Variants in TMEM135 observed in about 807,000 individuals in gnomAD.
TMEM135 encodes the protein transmembrane protein 135, also known as peroxisomal membrane protein 52.
TMEM135 carries 30 observed loss-of-function variants against 60.3 expected under a neutral mutation model. The observed-to-expected ratio is 0.50, with a 90% CI of 0.37 to 0.68. TMEM135 has a LOEUF of 0.68. Ranked by LOEUF, TMEM135 falls within the 30% of genes least tolerant of loss-of-function variation. TMEM135 has a pLI of 0.00. For missense variants in TMEM135, 468 were observed against 548.8 expected (o/e 0.85, Z 1.47); for synonymous variants, 190 against 186.7 (o/e 1.02, Z -0.14).
chr11:87,057,793 C>T (rs1268966639), intron 1 of TMEM135, among the ~76,000 whole-genome samples: 1 of 132,126 alleles, frequency 7.6e-6, no homozygotes, highest in Non-Finnish European at 1.5e-5. Context: ...AAACAGAAGC[C>T]TCTGTGTGTG....
intron 3 of TMEM135, among the ~76,000 whole-genome samples, chr11:87,073,334 A>G (rs1287421944): frequency 6.6e-6 from 1 of 152,090 alleles, no homozygotes. Context: ...CACCCGGCCC[A>G]TGAAGCCACT....
At chr11:87,206,753 A>G (rs1299565291) in intron 5 of TMEM135, among the ~76,000 whole-genome samples, 1 of 152,238 alleles carries the variant, frequency 6.6e-6, no homozygotes, top group Non-Finnish European at 1.5e-5. Flanking sequence ...AAACTATTAT[A>G]GTAGGAACTA....
Position 87,322,594 on chromosome 11 carries a change from T to A in TMEM135, c.*1261T>A. The A allele has an allele frequency of 2.2e-6, 1 of 453,908 alleles. No individual in the cohort carries two copies. Among genetic ancestry groups the A allele is most frequent in the East Asian group, 6.9e-5 (1 of 14,396 alleles). The allele number at this position is 453,908 out of a possible 1,614,324, so 28.1% of individuals were successfully genotyped here. A position where few individuals can be genotyped will look rare whatever the true frequency, so the allele number is the denominator to read the frequency against. ...AATGTGACATGTAGGGATGATGATA[T>A]TTTTAAAATACATTTTGTTGCTAAA... On this transcript the variant is annotated 3_prime_UTR_variant, in exon 15 of 15. Coordinates refer to ENST00000305494, the MANE Select transcript of TMEM135 (RefSeq NM_022918.4).
At chr11:87,216,006 T>C (rs1940492051) in intron 5 of TMEM135, among the ~76,000 whole-genome samples, 1 of 152,188 alleles carries the variant, frequency 6.6e-6, no homozygotes, top group African/African-American at 2.4e-5. Context: ...AGAGAGACCA[T>C]TCATGTAACT....
intron 7 of TMEM135, among the ~76,000 whole-genome samples, chr11:87,299,042 T>G (rs1015723248): frequency 3.3e-5 from 5 of 150,938 alleles, no homozygotes; most frequent in Admixed American, 3.3e-4. Context: ...GAGCCGAGAT[T>G]GCGCCACTGC....
chr11:87,185,593 TTGTA>T (rs1443269696), intron 5 of TMEM135, among the ~76,000 whole-genome samples: 5 of 152,204 alleles, frequency 3.3e-5, no homozygotes, highest in Non-Finnish European at 7.3e-5. Context: ...TTGGCTTTGT[TTGTA>T]TGTCTTGTTA....
At chr11:87,254,482 A>G (rs1175489755) in intron 6 of TMEM135, among the ~76,000 whole-genome samples, 1 of 152,170 alleles carries the variant, frequency 6.6e-6, no homozygotes, top group Non-Finnish European at 1.5e-5. Flanking sequence ...TTTGTCATGG[A>G]TAAAATGATC....
rs1360047136 is a variant in TMEM135, at chr11:87,157,199, A to G, written c.397-142A>G. On this transcript the variant is annotated intron_variant, in intron 4 of 14. Transcript: ENST00000305494. ...TGCCTGAGTAGCTAGGACTATAGGC[A>G]TATACAACTTATTGATCGTTCTCTA... The G allele has an allele frequency of 5.6e-6, 4 of 720,618 alleles. No homozygotes were observed. In the East Asian group the frequency reaches 1.1e-4, roughly 20 times the overall value. 44.6% of individuals were successfully genotyped at this position (720,618 alleles called of 1,614,324 possible). A position where few individuals can be genotyped will look rare whatever the true frequency, so the allele number is the denominator to read the frequency against.
Position 87,274,104 on chromosome 11 carries a change from G to A in TMEM135, c.510-21678G>A, listed in dbSNP as rs536993312. Reference sequence around the variant, plus strand: ...CCATCCTTTAGAGTGGGTTGAGTGGGTAGAGTGGGTAGTAGTAATAATTCA... The same window carrying A: ...CCATCCTTTAGAGTGGGTTGAGTGGATAGAGTGGGTAGTAGTAATAATTCA... On this transcript the variant is annotated intron_variant, in intron 6 of 14. Coordinates refer to ENST00000305494, the MANE Select transcript of TMEM135 (RefSeq NM_022918.4). Among the ~76,000 whole-genome samples the A allele has an allele frequency of 6.2e-4, 94 of 152,270 alleles. 1 individual carries two copies. The highest frequency in any genetic ancestry group is 1.8e-3 in the African/African-American group (76 of 41,560).
intron 6 of TMEM135, among the ~76,000 whole-genome samples, chr11:87,289,636 T>C (rs1942231209): frequency 1.3e-5 from 2 of 151,960 alleles, no homozygotes; most frequent in African/African-American, 4.8e-5. Context: ...TTTTTATTTT[T>C]GTTAGAGACG....
intron 5 of TMEM135, among the ~76,000 whole-genome samples, chr11:87,168,622 A>G (rs1486950150): frequency 6.6e-6 from 1 of 152,094 alleles, no homozygotes; most frequent in African/African-American, 2.4e-5. Context: ...GTTTTAAGGG[A>G]GTTTCTTAAT....
intron 6 of TMEM135, among the ~76,000 whole-genome samples, chr11:87,294,498 G>A (rs1227154274): frequency 3.3e-5 from 5 of 152,112 alleles, no homozygotes; most frequent in African/African-American, 4.8e-5. Context: ...ATTCTCCAGC[G>A]TCAGCCTCCC....
intron 5 of TMEM135, among the ~76,000 whole-genome samples, chr11:87,192,503 C>T (rs538045002): frequency 6.6e-6 from 1 of 151,978 alleles, no homozygotes; most frequent in Non-Finnish European, 1.5e-5. Context: ...GAGAAGTAAA[C>T]TTGTTTTACC....
At chr11:87,071,048 G>T (rs1321460852) in intron 2 of TMEM135, among the ~76,000 whole-genome samples, 1 of 152,152 alleles carries the variant, frequency 6.6e-6, no homozygotes, top group East Asian at 1.9e-4. Context: ...AAGCCAGAGG[G>T]TTTGCATAGC....
At chr11:87,264,674 C>G (rs761093524) in intron 6 of TMEM135, among the ~76,000 whole-genome samples, 1 of 151,838 alleles carries the variant, frequency 6.6e-6, no homozygotes, top group Non-Finnish European at 1.5e-5. Flanking sequence ...AATGTAGTTC[C>G]AGCCTTAAGC....
chr11:87,207,160 A>G (rs1177267881), intron 5 of TMEM135, among the ~76,000 whole-genome samples: 1 of 152,186 alleles, frequency 6.6e-6, no homozygotes, highest in African/African-American at 2.4e-5. Flanking sequence ...GAGGTAGGAA[A>G]CATTTTGGAA....
intron 11 of TMEM135, 124 bp from the exon 12 acceptor site, chr11:87,314,347 G>T: frequency 1.3e-6 from 1 of 791,554 alleles, no homozygotes; most frequent in South Asian, 1.5e-5. Context: ...GTTTATTACT[G>T]TCCTTGATTG....
intron 6 of TMEM135, among the ~76,000 whole-genome samples, chr11:87,250,059 T>C (rs772497779): frequency 6.6e-6 from 1 of 152,150 alleles, no homozygotes; most frequent in Non-Finnish European, 1.5e-5. Flanking sequence ...AATGTATTCA[T>C]TTCTTGAAGG....
At chr11:87,114,126 T>G (rs1857819268) in intron 4 of TMEM135, among the ~76,000 whole-genome samples, 2 of 152,008 alleles carry the variant, frequency 1.3e-5, no homozygotes, top group Admixed American at 6.6e-5. Flanking sequence ...GACTGAGAGT[T>G]TACCTCTCAT....
Sources: gnomAD v4.1 joint callset for allele counts (sites outside exome capture counted in the v4.1 genomes callset) on GRCh38, gnomAD v4.1.1 for gene constraint, MANE v1.5 for transcripts, NCBI Gene and HGNC (gene_info 2026-07-23, HGNC 2026-07-21) for gene names.